ADGRV1: variants seen among roughly 807,000 people sequenced by gnomAD.
The protein encoded by ADGRV1 is adhesion G protein-coupled receptor V1, also known as G-protein coupled receptor 98.
In ADGRV1, 359 loss-of-function variants were observed where a neutral mutation model predicts 596.2. The ratio of observed to expected loss-of-function variants is 0.60; its 90% CI spans 0.55 to 0.66. The LOEUF is 0.66. Ranked by LOEUF, ADGRV1 falls within the 30% of genes least tolerant of loss-of-function variation. ADGRV1 has a pLI of 0.00. For synonymous variants in ADGRV1, 2,681 were observed against 2,679.2 expected, an observed-to-expected ratio of 1.00 and a Z score of -0.02; for missense variants, 7,274 against 7,575.6, an observed-to-expected ratio of 0.96 and a Z score of 1.48.
chr5:90,896,947 A>G (rs972333750), intron 83 of ADGRV1, among the ~76,000 whole-genome samples: 1 of 152,204 alleles, frequency 6.6e-6, no homozygotes, highest in Non-Finnish European at 1.5e-5. Flanking sequence ...GCTGACCCAC[A>G]GAGTGTAGAC....
intron 83 of ADGRV1, among the ~76,000 whole-genome samples, chr5:90,927,841 T>A (rs968542147): frequency 1.3e-5 from 2 of 152,184 alleles, no homozygotes; most frequent in African/African-American, 4.8e-5. Flanking sequence ...TGATAAAATC[T>A]CTCAGCATTT....
In ADGRV1 at chr5:90,889,661, A is replaced by G. The variant is rs192602894; in HGVS notation, c.17856+25804A>G. Among the ~76,000 whole-genome samples, 444 of 152,170 alleles carry G rather than the reference A, an allele frequency of 2.9e-3. 3 individuals carry two copies. Among genetic ancestry groups the G allele is most frequent in the African/African-American group, 9.9e-3 (410 of 41,520 alleles). Reference sequence around the variant, plus strand: ...AATAGCCAGATTTTTAAATTATTATATAATTTTCCATGAAATTTTTTTGTG... The same window carrying G: ...AATAGCCAGATTTTTAAATTATTATGTAATTTTCCATGAAATTTTTTTGTG... On this transcript the variant is annotated intron_variant, in intron 83 of 89. Transcript: ENST00000405460.
chr5:90,894,935 T>A (rs905774307), intron 83 of ADGRV1, among the ~76,000 whole-genome samples: 3 of 152,070 alleles, frequency 2.0e-5, no homozygotes, highest in Non-Finnish European at 2.9e-5. Flanking sequence ...TTTCTTTCTT[T>A]TTTGTTTTTT....
intron 48 of ADGRV1, among the ~76,000 whole-genome samples, chr5:90,726,940 G>A (rs1751871589): frequency 6.6e-6 from 1 of 151,962 alleles, no homozygotes; most frequent in Non-Finnish European, 1.5e-5. Context: ...TATATTTTTG[G>A]TACATAATAT....
intron 33 of ADGRV1, 36 bp downstream of exon 33, chr5:90,694,737 A>G (rs371729487): frequency 3.5e-4 from 528 of 1,496,922 alleles, no homozygotes; most frequent in Non-Finnish European, 4.6e-4. Context: ...CCGTTGCCCC[A>G]GTAAAGTCAT....
chr5:90,915,453 A>G (rs577307456), intron 83 of ADGRV1, among the ~76,000 whole-genome samples: 1 of 152,286 alleles, frequency 6.6e-6, no homozygotes, highest in African/African-American at 2.4e-5. Context: ...TTGGTCAGGA[A>G]TTTGGGGAAG....
At chr5:90,749,888 G>A (rs530384081) in intron 52 of ADGRV1, among the ~76,000 whole-genome samples, 2 of 152,166 alleles carry the variant, frequency 1.3e-5, no homozygotes, top group Non-Finnish European at 2.9e-5. Context: ...TCTATCATAA[G>A]GGAAAGGGAT....
chr5:90,626,251 C>T (rs1764740623), intron 6 of ADGRV1: 1 of 151,816 alleles, frequency 6.6e-6, no homozygotes, highest in African/African-American at 2.4e-5. Context: ...AAGAATTTTT[C>T]TCTTGAAAAA....
At chr5:90,665,239 G>A (rs1321029734) in intron 21 of ADGRV1, among the ~76,000 whole-genome samples, 1 of 152,036 alleles carries the variant, frequency 6.6e-6, no homozygotes, top group Non-Finnish European at 1.5e-5. Flanking sequence ...AATCCGTTTG[G>A]TCCTGGACTC....
At chr5:90,757,710 T>C (rs1052555009) in intron 57 of ADGRV1, among the ~76,000 whole-genome samples, 2 of 152,222 alleles carry the variant, frequency 1.3e-5, no homozygotes, top group Non-Finnish European at 2.9e-5. Flanking sequence ...TTAAATATTA[T>C]AAAACATTCC....
chr5:90,753,564 A>T lies in ADGRV1; in HGVS notation c.11122-10A>T. 1 of 1,574,972 alleles carries T rather than the reference A, an allele frequency of 6.3e-7. No individual in the cohort carries two copies. The highest frequency in any genetic ancestry group is 8.7e-7 in the Non-Finnish European group (1 of 1,148,644). On this transcript the variant is annotated splice_polypyrimidine_tract_variant and intron_variant, in intron 53 of 89. Transcript: ENST00000405460. ...AAAATAAATAACATCTTCTTTCTTT[A>T]AAATTCTAGATTTTATTTACTGAAG...
Position 90,653,268 on chromosome 5 carries a change from G to A in ADGRV1, c.3694G>A (p.Val1232Ile), listed in dbSNP as rs1263336126. The A allele has an allele frequency of 2.5e-6, 4 of 1,613,764 alleles. No homozygotes were observed. The highest frequency in any genetic ancestry group is 2.2e-5 in the South Asian group (2 of 91,058). The change falls in exon 20 of 90, where the codon GTT becomes ATT. Residue 1232 changes from valine to isoleucine, a missense_variant. This residue lies in a region of ADGRV1 where 1,715 missense variants were observed against 1,708.8 expected (regional missense o/e 1.00). Coordinates refer to ENST00000405460, the MANE Select transcript of ADGRV1 (RefSeq NM_032119.4). The part of the protein sequence containing the change: ...AETNLQVTVM[V>I]PFNDDPFGVF... ...AACCAACCTCCAGGTGACAGTAATG[G>A]TTCCATTCAATGATGATCCCTTTGG...
chr5:90,756,379 A>G (rs1274087573), intron 55 of ADGRV1, 75 bp from the exon 56 acceptor site: 1 of 963,620 alleles, frequency 1.0e-6, no homozygotes, highest in Admixed American at 2.5e-5. Flanking sequence ...TCCTTACTGA[A>G]AAATATCAAG....
intron 83 of ADGRV1, among the ~76,000 whole-genome samples, chr5:90,908,800 GT>G (rs1450169897): frequency 6.6e-6 from 1 of 152,144 alleles, no homozygotes; most frequent in Non-Finnish European, 1.5e-5. Context: ...AGCTCTCCAG[GT>G]GTTTGGAATC....
intron 87 of ADGRV1, among the ~76,000 whole-genome samples, chr5:91,137,074 T>C (rs932343937): frequency 2.0e-5 from 3 of 152,250 alleles, no homozygotes; most frequent in Non-Finnish European, 4.4e-5. Flanking sequence ...GAAACTGAGC[T>C]ATGAAAAATT....
chr5:90,634,572 G>A (rs927039292), intron 9 of ADGRV1, among the ~76,000 whole-genome samples: 2 of 152,162 alleles, frequency 1.3e-5, no homozygotes, highest in African/African-American at 4.8e-5. Flanking sequence ...TGGAGGAGAA[G>A]GGAAATGGGG....
intron 86 of ADGRV1, among the ~76,000 whole-genome samples, chr5:91,097,437 A>G (rs578126987): frequency 9.2e-5 from 14 of 152,350 alleles, no homozygotes; most frequent in Non-Finnish European, 1.9e-4. Flanking sequence ...CTAATATCAC[A>G]TTATATGCAA....
intron 54 of ADGRV1, 21 bp from the exon 55 acceptor site, chr5:90,754,962 C>T (rs201821020): frequency 9.4e-5 from 146 of 1,549,108 alleles, no homozygotes; most frequent in East Asian, 1.3e-4. Context: ...ACTATTTACT[C>T]GTGGCATGTT....
intron 79 of ADGRV1, chr5:90,850,681 A>G (rs186027600): frequency 4.6e-5 from 7 of 152,252 alleles, no homozygotes; most frequent in Non-Finnish European, 8.8e-5. Flanking sequence ...CTATATCTCT[A>G]TAAGATCACC....
Sources: gnomAD v4.1 joint callset for allele counts (sites outside exome capture counted in the v4.1 genomes callset) on GRCh38, gnomAD v4.1.1 for gene constraint, gnomAD v4.1.1 regional missense constraint, MANE v1.5 for transcripts, NCBI Gene and HGNC (gene_info 2026-07-23, HGNC 2026-07-21) for gene names.